The following TNKS variants were observed in gnomAD, a reference collection of about 807,000 sequenced individuals.
TNKS encodes the protein tankyrase, also known as poly [ADP-ribose] polymerase tankyrase-1.
Under a neutral mutation model 135.8 loss-of-function variants are expected in TNKS, and 72 were observed. That is an observed-to-expected ratio of 0.53 (90% CI 0.44 to 0.64). The LOEUF is 0.64. Among genes scored for constraint, TNKS ranks in the 30% least tolerant of loss-of-function variants. The pLI, the probability that TNKS is intolerant of heterozygous loss-of-function variation, is 0.00. For synonymous variants in TNKS, 849 were observed against 649.3 expected (o/e 1.31, Z -4.68); for missense variants, 1,769 against 1,674.0 (o/e 1.06, Z -0.99).
At chr8:9,698,751 G>A (rs999069311) in intron 5 of TNKS, among the ~76,000 whole-genome samples, 3 of 152,166 alleles carry the variant, frequency 2.0e-5, no homozygotes, top group Non-Finnish European at 2.9e-5. Context: ...ATGCATGGTT[G>A]TATAGGAAAA....
intron 2 of TNKS, among the ~76,000 whole-genome samples, chr8:9,582,953 T>G (rs1418547483): frequency 2.0e-5 from 3 of 151,934 alleles, no homozygotes; most frequent in Non-Finnish European, 4.4e-5. Flanking sequence ...GAGCACGAGG[T>G]CAGGAGATCG....
intron 2 of TNKS, among the ~76,000 whole-genome samples, chr8:9,598,897 A>T (rs991281552): frequency 6.7e-6 from 1 of 148,740 alleles, no homozygotes; most frequent in Non-Finnish European, 1.5e-5. Flanking sequence ...CTTGAGAGAG[A>T]GGAAGTAGAG....
At chr8:9,765,881 A>T (rs943330183) in intron 24 of TNKS, 84 bp downstream of exon 24, 1 of 1,122,898 alleles carries the variant, frequency 8.9e-7, no homozygotes, top group Non-Finnish European at 1.3e-6. Flanking sequence ...TAAATTGACT[A>T]TAATACGGTT....
chr8:9,748,269 A>C (rs966887560), intron 18 of TNKS, 57 bp downstream of exon 18: 1 of 1,332,906 alleles, frequency 7.5e-7, no homozygotes. Context: ...AGATGACATC[A>C]GATTCTCGGG....
In TNKS at chr8:9,710,018, G is replaced by A; in HGVS notation, c.1642G>A (p.Gly548Arg). The change falls in exon 10 of 27, where the codon GGA becomes AGA. Residue 548 changes from glycine to arginine, a missense_variant. By Grantham distance (125) the Gly-to-Arg change is moderately radical. Around this residue, in one of 5 missense-constraint regions of TNKS, gnomAD observed 523 missense variants for 541.0 expected, o/e 0.97. Transcript: ENST00000310430. Reference protein sequence around the residue: ...KQVTELLLRKGANVNEKNKDF... With the variant: ...KQVTELLLRKRANVNEKNKDF... ...AGTGACAGAATTGTTACTTAGAAAAGGAGCAAATGTTAATGAAAAAAATAA... is the reference window on the plus strand; with the variant it reads ...AGTGACAGAATTGTTACTTAGAAAAAGAGCAAATGTTAATGAAAAAAATAA... The A allele has an allele frequency of 6.2e-7, 1 of 1,614,050 alleles. No homozygotes were observed. The highest frequency in any genetic ancestry group is 8.5e-7 in the Non-Finnish European group (1 of 1,179,990).
At chr8:9,736,517 G>C (rs1047785290) in intron 17 of TNKS, among the ~76,000 whole-genome samples, 1 of 151,048 alleles carries the variant, frequency 6.6e-6, no homozygotes, top group African/African-American at 2.4e-5. Flanking sequence ...TTTTCTTCTA[G>C]GGTTTTTATG....
In TNKS at chr8:9,764,757, TGGCGGC is replaced by T; in HGVS notation, c.3415_3420del (p.Gly1139_Gly1140del). On this transcript the variant is annotated inframe_deletion, in exon 23 of 27. Transcript: ENST00000310430. ...GAGAACACAGAGATGGTGGTAATGC[TGGCGGC>T]ATCTTCAACAGATACAATGTCATTC... 6.2e-7 allele frequency: 1 copy of T among 1,600,526 alleles called. No homozygotes were observed. Among genetic ancestry groups the T allele is most frequent in the Non-Finnish European group, 8.5e-7 (1 of 1,175,072 alleles).
At chr8:9,725,389 C>G (rs2128814775) in intron 12 of TNKS, among the ~76,000 whole-genome samples, 1 of 152,266 alleles carries the variant, frequency 6.6e-6, no homozygotes, top group Non-Finnish European at 1.5e-5. Context: ...ATGAAACACT[C>G]TCTTTTTTCC....
intron 2 of TNKS, among the ~76,000 whole-genome samples, chr8:9,598,417 T>A (rs1351287105): frequency 6.6e-6 from 1 of 152,106 alleles, no homozygotes; most frequent in Admixed American, 6.5e-5. Flanking sequence ...TGGTACAGGT[T>A]TAATCCTGTT....
intron 12 of TNKS, among the ~76,000 whole-genome samples, chr8:9,724,121 C>A (rs1805041968): frequency 6.6e-6 from 1 of 152,066 alleles, no homozygotes. Flanking sequence ...AATAAGAAGC[C>A]CATCTTTAAT....
rs141828717 is a variant in TNKS, at chr8:9,698,984, A to C, written c.1108-5679A>C. Among the ~76,000 whole-genome samples the C allele has an allele frequency of 4.8e-3, 725 of 152,274 alleles. 3 individuals are homozygous for C. The highest frequency in any genetic ancestry group is 6.6e-3 in the Non-Finnish European group (447 of 68,006). On this transcript the variant is annotated intron_variant, in intron 5 of 26. Coordinates refer to ENST00000310430, the MANE Select transcript of TNKS (RefSeq NM_003747.3). The stretch of plus-strand genomic sequence containing the variant: ...AGAATAATATTTAGATAGCTTTTGT[A>C]TTTGTGTCTGTTCCATAATTTACTT...
intron 11 of TNKS, among the ~76,000 whole-genome samples, chr8:9,717,205 G>A (rs1291829246): frequency 6.7e-6 from 1 of 149,560 alleles, no homozygotes; most frequent in Non-Finnish European, 1.5e-5. Context: ...GTACTCTGTA[G>A]TGAGTTCACA....
At chr8:9,747,874 T>A in intron 17 of TNKS, 150 bp from the exon 18 acceptor site, 1 of 752,006 alleles carries the variant, frequency 1.3e-6, no homozygotes, top group Non-Finnish European at 2.1e-6. Context: ...AGTAGAAGAC[T>A]GAAATACTCT....
rs182881784 is a variant in TNKS at position 9,595,154 on chromosome 8, C to T, written c.898+14771C>T. On this transcript the variant is annotated intron_variant, in intron 2 of 26. Transcript: ENST00000310430. ...TTTTTTTTTTTGAGACGGAGTCTTG[C>T]TGTGTTGTCCAGGCTGGAGTGCAAT... Among the ~76,000 whole-genome samples the T allele has an allele frequency of 2.1e-3, 318 of 150,796 alleles. 1 individual carries two copies. The highest frequency in any genetic ancestry group is 7.1e-3 in the African/African-American group (291 of 41,002).
At chr8:9,579,889 T>C (rs67456872) in intron 1 of TNKS, among the ~76,000 whole-genome samples, 7,067 of 152,326 alleles carry the variant, frequency 0.046, 185 homozygotes, top group Middle Eastern at 0.082. Context: ...ATTTATTTTG[T>C]GTTTCTAGCA....
chr8:9,770,384 T>G (rs1371952626), intron 26 of TNKS, 122 bp downstream of exon 26: 4 of 1,022,628 alleles, frequency 3.9e-6, no homozygotes, highest in Non-Finnish European at 5.5e-6. Context: ...TAGTATTAAT[T>G]ACTTCAGATA....
At chr8:9,639,084 A>G (rs1800627651) in intron 3 of TNKS, among the ~76,000 whole-genome samples, 1 of 152,212 alleles carries the variant, frequency 6.6e-6, no homozygotes, top group Non-Finnish European at 1.5e-5. Flanking sequence ...CTTGAAAAGT[A>G]TTTAGACTTT....
At chr8:9,622,495 A>G (rs960044203) in intron 3 of TNKS, among the ~76,000 whole-genome samples, 3 of 152,216 alleles carry the variant, frequency 2.0e-5, no homozygotes, top group East Asian at 1.9e-4. Flanking sequence ...AGTTACTTCT[A>G]AGTTCACAGA....
intron 20 of TNKS, among the ~76,000 whole-genome samples, chr8:9,754,506 T>C (rs1271077784): frequency 6.6e-6 from 1 of 152,174 alleles, no homozygotes; most frequent in East Asian, 1.9e-4. Flanking sequence ...TTTTTTCTGC[T>C]TTCTCTCTTT....
Sources: gnomAD v4.1 joint callset for allele counts (sites outside exome capture counted in the v4.1 genomes callset) on GRCh38, gnomAD v4.1.1 for gene constraint, gnomAD v4.1.1 regional missense constraint, MANE v1.5 for transcripts, NCBI Gene and HGNC (gene_info 2026-07-23, HGNC 2026-07-21) for gene names.